The following MIR2052HG variants were observed in gnomAD, a reference collection of about 807,000 sequenced individuals.
The protein encoded by MIR2052HG is MIR2052 host gene.
At chr8:74,703,812 A>G (rs559250910) in intron 4 of MIR2052HG, 1 of 300,670 alleles carries the variant, frequency 3.3e-6, no homozygotes, top group African/African-American at 2.2e-5. Context: ...ACAGCCTTAT[A>G]AATTGTGGAT....
intron 1 of MIR2052HG, among the ~76,000 whole-genome samples, chr8:74,600,932 A>G (rs1807991646): frequency 6.6e-6 from 1 of 152,182 alleles, no homozygotes; most frequent in Admixed American, 6.5e-5. Context: ...GAGACCTGGG[A>G]CATAGGTCTT....
At chr8:74,670,410 C>T (rs1450669097) in intron 2 of MIR2052HG, among the ~76,000 whole-genome samples, 1 of 152,018 alleles carries the variant, frequency 6.6e-6, no homozygotes, top group African/African-American at 2.4e-5. Flanking sequence ...AAGAAACTCC[C>T]CTGGGCTAGA....
chr8:74,600,093 C>T (rs1038385870), intron 1 of MIR2052HG, among the ~76,000 whole-genome samples: 4 of 152,092 alleles, frequency 2.6e-5, no homozygotes, highest in East Asian at 1.9e-4. Context: ...GGCTGGTGCA[C>T]GGTGTGCACA....
chr8:74,682,386 T>C (rs1157551651), intron 2 of MIR2052HG, among the ~76,000 whole-genome samples: 1 of 152,072 alleles, frequency 6.6e-6, no homozygotes, highest in East Asian at 1.9e-4. Flanking sequence ...ATTTCTGAGA[T>C]ATATAACTGA....
intron 2 of MIR2052HG, among the ~76,000 whole-genome samples, chr8:74,638,760 G>T (rs572770248): frequency 1.4e-4 from 21 of 152,160 alleles, no homozygotes; most frequent in Non-Finnish European, 2.9e-4. Flanking sequence ...CCTAAATAAA[G>T]ATGTAGAGTG....
chr8:74,749,586 C>T (rs1232701925), intron 4 of MIR2052HG, among the ~76,000 whole-genome samples: 3 of 152,088 alleles, frequency 2.0e-5, no homozygotes, highest in African/African-American at 7.2e-5. Context: ...CACAGTGGCT[C>T]ACGTCTGTAA....
At chr8:74,655,834 G>A (rs926680002) in intron 2 of MIR2052HG, among the ~76,000 whole-genome samples, 12 of 152,238 alleles carry the variant, frequency 7.9e-5, no homozygotes, top group Admixed American at 2.0e-4. Context: ...AGCTTGCACC[G>A]TGCACCTGGA....
chr8:74,709,760 G>A (rs1227666121), intron 4 of MIR2052HG, among the ~76,000 whole-genome samples: 2 of 152,008 alleles, frequency 1.3e-5, no homozygotes, highest in Admixed American at 6.6e-5. Flanking sequence ...GTGCTTATGG[G>A]GTTGGGCTGA....
At chr8:74,650,090 C>T (rs1272349082) in intron 2 of MIR2052HG, among the ~76,000 whole-genome samples, 1 of 151,984 alleles carries the variant, frequency 6.6e-6, no homozygotes, top group Admixed American at 6.6e-5. Context: ...AATTTCCTCC[C>T]AGATTTGTTA....
chr8:74,722,187 C>G (rs1809584750), intron 4 of MIR2052HG, among the ~76,000 whole-genome samples: 1 of 151,934 alleles, frequency 6.6e-6, no homozygotes, highest in Non-Finnish European at 1.5e-5. Flanking sequence ...TCCCTTCCAC[C>G]CCCTCAAAAA....
intron 4 of MIR2052HG, among the ~76,000 whole-genome samples, chr8:74,744,998 A>G (rs1428139712): frequency 6.6e-6 from 1 of 152,122 alleles, no homozygotes; most frequent in Admixed American, 6.6e-5. Flanking sequence ...GGTGTGGTGG[A>G]TCATTCCTGT....
intron 2 of MIR2052HG, among the ~76,000 whole-genome samples, chr8:74,632,824 G>C (rs1383110808): frequency 6.6e-6 from 1 of 151,964 alleles, no homozygotes. Flanking sequence ...GGCATAATCA[G>C]CTCGTGTTGA....
intron 4 of MIR2052HG, among the ~76,000 whole-genome samples, chr8:74,737,204 C>A (rs1392434965): frequency 6.6e-6 from 1 of 152,166 alleles, no homozygotes. Flanking sequence ...CACAGGAGTG[C>A]GACCTCTGTA....
intron 2 of MIR2052HG, among the ~76,000 whole-genome samples, chr8:74,692,756 T>A (rs1809252012): frequency 6.6e-6 from 1 of 152,232 alleles, no homozygotes; most frequent in Non-Finnish European, 1.5e-5. Flanking sequence ...AAGTTCAGGT[T>A]AACAGTTCTG....
At chr8:74,724,527 A>T (rs2128754308) in intron 4 of MIR2052HG, among the ~76,000 whole-genome samples, 1 of 152,348 alleles carries the variant, frequency 6.6e-6, no homozygotes, top group East Asian at 1.9e-4. Context: ...GTCACAGAAA[A>T]AAATGACATA....
intron 2 of MIR2052HG, among the ~76,000 whole-genome samples, chr8:74,673,910 T>TATATATATATACATAC (rs1485340799): frequency 7.5e-6 from 1 of 133,242 alleles, no homozygotes; most frequent in African/African-American, 3.4e-5. Context: ...TATATATATA[T>TATATATATATACATAC]ACACACACAA....
intron 4 of MIR2052HG, among the ~76,000 whole-genome samples, chr8:74,709,581 T>A (rs963864180): frequency 2.0e-5 from 3 of 152,164 alleles, no homozygotes; most frequent in Non-Finnish European, 4.4e-5. Flanking sequence ...ATTTCTTCAT[T>A]GGGGCAATAT....
intron 4 of MIR2052HG, among the ~76,000 whole-genome samples, chr8:74,706,160 C>T (rs949627165): frequency 5.3e-5 from 8 of 152,054 alleles, no homozygotes; most frequent in African/African-American, 1.9e-4. Context: ...CCAGCTTGAA[C>T]CTCCAAGTCA....
intron 2 of MIR2052HG, among the ~76,000 whole-genome samples, chr8:74,692,169 CA>C (rs1259001225): frequency 6.6e-6 from 1 of 152,196 alleles, no homozygotes; most frequent in Non-Finnish European, 1.5e-5. Flanking sequence ...CAGCTCAATG[CA>C]ACCTCTGCTT....
Sources: gnomAD v4.1 joint callset for allele counts (sites outside exome capture counted in the v4.1 genomes callset) on GRCh38, gnomAD v4.1.1 for gene constraint, MANE v1.5 for transcripts, NCBI Gene and HGNC (gene_info 2026-07-23, HGNC 2026-07-21) for gene names.